DSE: variants seen among roughly 807,000 people sequenced by gnomAD.
The protein encoded by DSE is dermatan sulfate epimerase, also known as dermatan-sulfate epimerase.
DSE carries 36 observed loss-of-function variants against 84.4 expected under a neutral mutation model. The observed-to-expected ratio is 0.43, with a 90% confidence interval of 0.33 to 0.56. DSE has a LOEUF of 0.56. Among genes scored for constraint, DSE ranks in the 20% least tolerant of loss-of-function variants. DSE has a pLI of 0.06. For missense variants in DSE, 862 were observed against 1,169.6 expected (o/e 0.74, Z 3.84); for synonymous variants, 410 against 430.1 (o/e 0.95, Z 0.58).
intron 2 of DSE, chr6:116,278,425 C>CA: frequency 6.4e-7 from 1 of 1,562,624 alleles, no homozygotes; most frequent in Non-Finnish European, 8.8e-7. Flanking sequence ...AAACAAAGCA[C>CA]AATAGAAGGC....
intron 2 of DSE, among the ~76,000 whole-genome samples, chr6:116,308,971 G>A (rs112578335): frequency 1.1e-3 from 171 of 152,144 alleles, no homozygotes; most frequent in African/African-American, 4.0e-3. Flanking sequence ...ACTCATAATA[G>A]ATATTCTAAT....
intron 2 of DSE, among the ~76,000 whole-genome samples, chr6:116,309,114 T>C (rs1425484095): frequency 2.2e-5 from 2 of 91,144 alleles, no homozygotes; most frequent in African/African-American, 2.9e-5. Context: ...ATTGAACTTA[T>C]TATCTCATGA....
chr6:116,261,892 TC>T (rs1304355815), intron 2 of DSE, among the ~76,000 whole-genome samples: 4 of 152,238 alleles, frequency 2.6e-5, no homozygotes, highest in Non-Finnish European at 5.9e-5. Context: ...ATGTGATGAA[TC>T]ACATCATTAA....
intron 5 of DSE, among the ~76,000 whole-genome samples, chr6:116,433,912 A>C (rs543133979): frequency 1.8e-3 from 275 of 152,274 alleles, no homozygotes; most frequent in Admixed American, 3.4e-3. Context: ...GCACTATTTC[A>C]TAAATAAGCA....
chr6:116,420,282 A>G (rs1275115669), intron 2 of DSE, among the ~76,000 whole-genome samples: 1 of 152,228 alleles, frequency 6.6e-6, no homozygotes, highest in Non-Finnish European at 1.5e-5. Context: ...CAAAATTTAT[A>G]TTGAAGCCCT....
intron 2 of DSE, among the ~76,000 whole-genome samples, chr6:116,295,642 T>C (rs754776901): frequency 6.6e-6 from 1 of 152,190 alleles, no homozygotes; most frequent in Non-Finnish European, 1.5e-5. Flanking sequence ...TTGACTGATA[T>C]GTTTTTTGAC....
At chr6:116,394,521 G>A (rs1045751466) in intron 1 of DSE, among the ~76,000 whole-genome samples, 3 of 151,598 alleles carry the variant, frequency 2.0e-5, no homozygotes, top group Admixed American at 6.6e-5. Context: ...CTGCAGCGTC[G>A]AACTCCTGAG....
chr6:116,384,973 A>G (rs1780489256), intron 1 of DSE, among the ~76,000 whole-genome samples: 1 of 152,210 alleles, frequency 6.6e-6, no homozygotes, highest in South Asian at 2.1e-4. Flanking sequence ...ATGTCATTTA[A>G]ATAAGGTAGT....
intron 2 of DSE, among the ~76,000 whole-genome samples, chr6:116,274,580 CAA>C (rs1290685063): frequency 2.1e-4 from 22 of 103,260 alleles, no homozygotes; most frequent in Non-Finnish European, 2.5e-4. Context: ...AACTCTGTCT[CAA>C]AAAAAAAAAA....
chr6:116,254,483 A>T (rs1439981122), intron 1 of DSE: 1 of 283,728 alleles, frequency 3.5e-6, no homozygotes, highest in East Asian at 9.7e-5. Flanking sequence ...GTGTGGATTC[A>T]TGGCTATTAC....
intron 2 of DSE, among the ~76,000 whole-genome samples, chr6:116,286,050 C>G (rs1773883055): frequency 6.6e-6 from 1 of 152,144 alleles, no homozygotes; most frequent in Non-Finnish European, 1.5e-5. Context: ...TTATCCAATT[C>G]TGTGAAGAAA....
In DSE at chr6:116,363,638, G is replaced by A. The variant is rs1451405057; in HGVS notation, c.-53-35560G>A. ...ATTAAAGATTTCACCTCAAGGACAG[G>A]CATTTAGTTAGATAGTGATTTTACA... is the stretch of plus-strand genomic sequence containing the variant. On this transcript the variant is annotated intron_variant, in intron 2 of 3. Transcript: ENST00000430252. 2.6e-5 allele frequency among the ~76,000 whole-genome samples: 4 copies of A among 152,066 alleles called. No homozygotes were observed. In the East Asian group the frequency reaches 7.7e-4, roughly 29 times the overall value.
chr6:116,311,880 A>G (rs1347852355), intron 2 of DSE, among the ~76,000 whole-genome samples: 1 of 152,160 alleles, frequency 6.6e-6, no homozygotes, highest in Non-Finnish European at 1.5e-5. Flanking sequence ...ATTTACTTAT[A>G]TGTAAATGTA....
At chr6:116,260,522 A>G (rs1378001840) in intron 2 of DSE, among the ~76,000 whole-genome samples, 3 of 152,056 alleles carry the variant, frequency 2.0e-5, no homozygotes, top group East Asian at 1.9e-4. Context: ...TTTTGTTGCA[A>G]TTGTTTTTGG....
chr6:116,436,376 T>A lies in DSE; in HGVS notation c.1908T>A (p.Pro636=). The change falls in exon 6 of 6, where the codon CCT becomes CCA. Residue 636 remains proline (P), a synonymous_variant. Transcript: ENST00000644252. Reference sequence around the variant, plus strand: ...CAACCTTTGCCTCAGTGACATATCCTCGGGGCTATCCCTACAATGGGACAA... The same window carrying A: ...CAACCTTTGCCTCAGTGACATATCCACGGGGCTATCCCTACAATGGGACAA... The part of the protein sequence containing the change: ...EKATFASVTY[P]RGYPYNGTNY... 1 of 1,614,118 alleles carries A rather than the reference T, an allele frequency of 6.2e-7. No individual in the cohort carries two copies. The highest frequency in any genetic ancestry group is 1.3e-5 in the African/African-American group (1 of 75,006).
rs1782801538 is a variant in DSE, at chr6:116,417,653, T to G, written c.417-8921T>G. On this transcript the variant is annotated intron_variant, in intron 2 of 5. Transcript: ENST00000644252. ...GATTTAATTAATATAGAAATATAGATTGTAAGAGGAAATAGTTTTTTACAT... is the reference window on the plus strand; with the variant it reads ...GATTTAATTAATATAGAAATATAGAGTGTAAGAGGAAATAGTTTTTTACAT... Among the ~76,000 whole-genome samples the G allele has an allele frequency of 2.0e-5, 3 of 152,274 alleles. No individual in the cohort carries two copies. The South Asian group carries it at 6.2e-4, about 32-fold the overall frequency.
At chr6:116,259,113 CATCG>C (rs997810034) in intron 2 of DSE, 6 of 1,452,794 alleles carry the variant, frequency 4.1e-6, no homozygotes, top group Non-Finnish European at 5.7e-6. Context: ...CCCACTCAGT[CATCG>C]TGAGAACACA....
chr6:116,360,881 A>G (rs1451279477), intron 2 of DSE, among the ~76,000 whole-genome samples: 1 of 152,122 alleles, frequency 6.6e-6, no homozygotes, highest in African/African-American at 2.4e-5. Context: ...ATTTGTGCTG[A>G]CTGCATGACA....
chr6:116,316,135 A>G (rs555305604), intron 2 of DSE, among the ~76,000 whole-genome samples: 90 of 152,354 alleles, frequency 5.9e-4, no homozygotes, highest in African/African-American at 2.1e-3. Flanking sequence ...CTTCAAAAAC[A>G]TAGCTTAAGT....
Sources: allele counts gnomAD v4.1 joint callset (sites outside exome capture counted in the v4.1 genomes callset), GRCh38; gene constraint gnomAD v4.1.1; transcripts MANE v1.5; gene names NCBI Gene and HGNC (gene_info 2026-07-23, HGNC 2026-07-21).